Variants in ASAP2 observed in about 807,000 individuals in gnomAD.
The protein encoded by ASAP2 is arf-GAP with SH3 domain, ANK repeat and PH domain-containing protein 2.
A neutral mutation model predicts 131.4 loss-of-function variants in ASAP2; 45 were observed. That is an observed-to-expected ratio of 0.34 (90% CI 0.27 to 0.44). The LOEUF (loss-of-function observed/expected upper bound fraction) is 0.44. ASAP2 is among the 20% of genes least tolerant of loss of function. The pLI is 1.00. For synonymous variants in ASAP2, 510 were observed against 503.0 expected, an observed-to-expected ratio of 1.01 and a Z score of -0.19; for missense variants, 1,011 against 1,297.0, an observed-to-expected ratio of 0.78 and a Z score of 3.39.
chr2:9,376,428 GT>G (rs1343656245), intron 17 of ASAP2, among the ~76,000 whole-genome samples: 1 of 152,284 alleles, frequency 6.6e-6, no homozygotes, highest in African/African-American at 2.4e-5. Flanking sequence ...CCCAGTATGA[GT>G]TGGAGACAGT....
In ASAP2 at chr2:9,206,885, T is replaced by G. The variant is rs1347241175; in HGVS notation, c.-220T>G. The G allele has an allele frequency of 1.1e-5, 2 of 182,472 alleles. No individual in the cohort carries two copies. Among genetic ancestry groups the G allele is most frequent in the Non-Finnish European group, 2.0e-5 (2 of 99,252 alleles). The allele number at this position is 182,472 out of a possible 1,614,324, so 11.3% of individuals were successfully genotyped here. A position where few individuals can be genotyped will look rare whatever the true frequency, so the allele number is the denominator to read the frequency against. On this transcript the variant is annotated 5_prime_UTR_variant, in exon 1 of 28. Coordinates refer to ENST00000281419, the MANE Select transcript of ASAP2 (RefSeq NM_003887.3). The surrounding 1 kb of genome is among the most constrained non-coding windows in gnomAD (Gnocchi z 4.0). Reference sequence around the variant, plus strand: ...CGCGGCGGCAGCGGACTCGGAGCCCTCGGCGCGCAGGCGGGCGGACCGGCC... The same window carrying G: ...CGCGGCGGCAGCGGACTCGGAGCCCGCGGCGCGCAGGCGGGCGGACCGGCC...
At chr2:9,257,082 G>T (rs370737533) in intron 1 of ASAP2, among the ~76,000 whole-genome samples, 1 of 152,220 alleles carries the variant, frequency 6.6e-6, no homozygotes, top group African/African-American at 2.4e-5. Flanking sequence ...GTCACAGGGC[G>T]TTTGGTAGAA....
chr2:9,354,839 A>G (rs537267210), intron 12 of ASAP2, among the ~76,000 whole-genome samples: 1 of 152,270 alleles, frequency 6.6e-6, no homozygotes, highest in East Asian at 1.9e-4. Context: ...AGTAAACACC[A>G]CTACAGAGAG....
intron 27 of ASAP2, among the ~76,000 whole-genome samples, chr2:9,402,085 C>A (rs187674611): frequency 6.6e-6 from 1 of 152,210 alleles, no homozygotes; most frequent in East Asian, 1.9e-4. Context: ...TGGCACAGCT[C>A]CGCAACTGAG....
chr2:9,254,208 CAAAAAA>C (rs1167547534), intron 1 of ASAP2, among the ~76,000 whole-genome samples: 1 of 15,638 alleles, frequency 6.4e-5, no homozygotes, highest in African/African-American at 3.3e-4. Flanking sequence ...GAGACTGTCT[CAAAAAA>C]AAAAAAAAAA....
chr2:9,266,256 C>G (rs1665942554), intron 1 of ASAP2, among the ~76,000 whole-genome samples: 1 of 151,306 alleles, frequency 6.6e-6, no homozygotes, highest in African/African-American at 2.4e-5. Flanking sequence ...AAGTGATCCT[C>G]CTGCTTCAGC....
intron 1 of ASAP2, among the ~76,000 whole-genome samples, chr2:9,253,643 T>A (rs1664884514): frequency 6.6e-6 from 1 of 152,188 alleles, no homozygotes; most frequent in Non-Finnish European, 1.5e-5. Flanking sequence ...TTCTTAGAAT[T>A]CCGTATAAAT....
chr2:9,304,921 G>T (rs939384481), intron 3 of ASAP2, among the ~76,000 whole-genome samples: 2 of 151,134 alleles, frequency 1.3e-5, no homozygotes, highest in African/African-American at 4.9e-5. Flanking sequence ...TGTTAGTGGA[G>T]AGGCTGGAGT....
intron 11 of ASAP2, among the ~76,000 whole-genome samples, chr2:9,348,245 T>G (rs1434781563): frequency 6.6e-6 from 1 of 152,098 alleles, no homozygotes; most frequent in East Asian, 1.9e-4. Context: ...GCCTCCCAAG[T>G]AGCTGGGACT....
intron 11 of ASAP2, among the ~76,000 whole-genome samples, chr2:9,347,060 A>G (rs1487901597): frequency 9.2e-6 from 1 of 108,318 alleles, no homozygotes; most frequent in Non-Finnish European, 2.3e-5. Context: ...GGGAATCTCC[A>G]CTTCCAGAGG....
chr2:9,378,678 C>T (rs75121199), intron 18 of ASAP2, among the ~76,000 whole-genome samples: 1 of 152,194 alleles, frequency 6.6e-6, no homozygotes, highest in Non-Finnish European at 1.5e-5. Flanking sequence ...CCCACATGCT[C>T]AGCAACAACA....
intron 22 of ASAP2, among the ~76,000 whole-genome samples, 191 bp from the exon 23 acceptor site, chr2:9,390,871 C>T (rs62118803): frequency 2.0e-5 from 3 of 152,198 alleles, no homozygotes; most frequent in Non-Finnish European, 2.9e-5. Flanking sequence ...TCTTCGGTTT[C>T]GCGAGTATCA....
intron 1 of ASAP2, among the ~76,000 whole-genome samples, chr2:9,239,608 C>G (rs1663798973): frequency 2.6e-5 from 4 of 152,138 alleles, no homozygotes; most frequent in South Asian, 4.1e-4. Flanking sequence ...AGAAATGAGT[C>G]CCATTTCCCC....
Position 9,358,785 on chromosome 2 carries a change from A to G in ASAP2, c.1357A>G (p.Ile453Val), listed in dbSNP as rs770262709. 11 of 1,613,494 alleles carry G rather than the reference A, an allele frequency of 6.8e-6. No homozygotes were observed. The highest frequency in any genetic ancestry group is 9.3e-6 in the Non-Finnish European group (11 of 1,179,894). The change falls in exon 15 of 28, where the codon ATC becomes GTC. Residue 453 changes from isoleucine (I) to valine (V), a missense_variant. This residue lies in a region of ASAP2 where 359 missense variants were observed against 598.1 expected (regional missense o/e 0.60). Coordinates refer to ENST00000281419, the MANE Select transcript of ASAP2 (RefSeq NM_003887.3). ...TACATGGCTTTCCACCAACCTGGGC[A>G]TCCTGACCTGCATCGAGTGTTCCGG... is the stretch of plus-strand genomic sequence containing the variant. ...DPTWLSTNLGILTCIECSGIH... is the reference protein window; with the variant it reads ...DPTWLSTNLGVLTCIECSGIH...
intron 7 of ASAP2, among the ~76,000 whole-genome samples, chr2:9,334,039 C>CTTT (rs35495550): frequency 0.01 from 535 of 53,332 alleles, 51 homozygotes; most frequent in African/African-American, 0.036. Flanking sequence ...TGTCTTTCTC[C>CTTT]TTTTTTTTTT....
intron 7 of ASAP2, among the ~76,000 whole-genome samples, chr2:9,329,021 C>G (rs533072090): frequency 6.6e-6 from 1 of 152,214 alleles, no homozygotes; most frequent in East Asian, 1.9e-4. Context: ...ACACAGTGCC[C>G]GGAACACAGT....
rs73155688 is a variant in ASAP2 at position 9,310,236 on chromosome 2, G to C, written c.346-8288G>C. Among the ~76,000 whole-genome samples the C allele has an allele frequency of 2.0e-5, 3 of 152,164 alleles. No homozygotes were observed. In the East Asian group the frequency reaches 5.8e-4, roughly 29 times the overall value. On this transcript the variant is annotated intron_variant, in intron 3 of 27. Coordinates refer to ENST00000281419, the MANE Select transcript of ASAP2 (RefSeq NM_003887.3). ...AATTAAAATCTCCCCACATTTCAAA[G>C]CGTCTTTTCTACCTCTCAAGTTTCT... is the stretch of plus-strand genomic sequence containing the variant.
At chr2:9,390,502 G>T (rs1431929713) in intron 22 of ASAP2, among the ~76,000 whole-genome samples, 3 of 152,240 alleles carry the variant, frequency 2.0e-5, no homozygotes, top group Non-Finnish European at 2.9e-5. Context: ...GCCATCTCTT[G>T]TGGGTCACCT....
At chr2:9,240,454 C>T (rs1318874376) in intron 1 of ASAP2, among the ~76,000 whole-genome samples, 2 of 151,978 alleles carry the variant, frequency 1.3e-5, no homozygotes, top group African/African-American at 4.8e-5. Flanking sequence ...CCATGTTTCC[C>T]AGGCTGGTCT....
Sources: allele counts gnomAD v4.1 joint callset (sites outside exome capture counted in the v4.1 genomes callset), GRCh38; gene constraint gnomAD v4.1.1; regional missense constraint gnomAD v4.1.1; non-coding constraint Gnocchi (gnomAD v3.1); transcripts MANE v1.5; gene names NCBI Gene and HGNC (gene_info 2026-07-23, HGNC 2026-07-21).